The following PXDNL variants were observed in gnomAD, a reference collection of about 807,000 sequenced individuals.
PXDNL encodes peroxidasin like.
A neutral mutation model predicts 150.8 loss-of-function variants in PXDNL; 145 were observed. The observed-to-expected ratio is 0.96, with a 90% CI of 0.84 to 1.10. PXDNL has a LOEUF of 1.10. Ranked by LOEUF, PXDNL falls within the 50% of genes least tolerant of loss-of-function variation. The pLI is 0.00. For missense variants in PXDNL, 2,087 were observed against 1,873.9 expected (o/e 1.11, Z -2.10); for synonymous variants, 757 against 725.7 (o/e 1.04, Z -0.69).
intron 3 of PXDNL, among the ~76,000 whole-genome samples, chr8:51,573,789 T>C (rs1326601826): frequency 6.6e-6 from 1 of 152,036 alleles, no homozygotes; most frequent in African/African-American, 2.4e-5. Context: ...TTACCCCCAG[T>C]ACCTCAGAAT....
chr8:51,655,900 C>T (rs1034246407), intron 1 of PXDNL, among the ~76,000 whole-genome samples: 5 of 152,164 alleles, frequency 3.3e-5, no homozygotes, highest in Admixed American at 6.5e-5. Flanking sequence ...AGAAACAAAG[C>T]CCTGGACCCA....
intron 2 of PXDNL, among the ~76,000 whole-genome samples, chr8:51,600,069 C>T (rs893197263): frequency 7.8e-6 from 1 of 127,514 alleles, no homozygotes; most frequent in Admixed American, 8.1e-5. Flanking sequence ...ATAAATTATA[C>T]CTTATATAAA....
rs369836009 is a variant in PXDNL at position 51,388,152 on chromosome 8, A to G, written c.3558-13421T>C. On this transcript the variant is annotated intron_variant, in intron 17 of 22. Transcript: ENST00000356297. The stretch of plus-strand genomic sequence containing the variant: ...TCTAGCTAGAACTCAGAAACTATTA[A>G]AAGTAATTTTTCAATGATTTCAAAT... Among the ~76,000 whole-genome samples the G allele has an allele frequency of 7.2e-5, 11 of 152,286 alleles. No individual in the cohort carries two copies. In the East Asian group the frequency reaches 1.5e-3, roughly 21 times the overall value.
At chr8:51,369,245 C>T (rs1412178040) in intron 19 of PXDNL, among the ~76,000 whole-genome samples, 1 of 152,166 alleles carries the variant, frequency 6.6e-6, no homozygotes, top group Non-Finnish European at 1.5e-5. Context: ...CACTTCTCAA[C>T]TGCCTTACTT....
rs572733887 is a variant in PXDNL, at chr8:51,367,767, G to C, written c.3901+4106C>G. 6.6e-5 allele frequency among the ~76,000 whole-genome samples: 10 copies of C among 152,260 alleles called. 1 individual carries two copies. Among genetic ancestry groups the C allele is most frequent in the Non-Finnish European group, 1.2e-4 (8 of 68,012 alleles). On this transcript the variant is annotated intron_variant, in intron 19 of 22. Transcript: ENST00000356297. ...CAATGGATTTAGTTAAGGGCAAAAA[G>C]AAAAACAAAAACACCATGTTGTTTT...
chr8:51,536,438 A>C (rs1016503975), intron 4 of PXDNL, among the ~76,000 whole-genome samples: 3 of 152,220 alleles, frequency 2.0e-5, no homozygotes, highest in Non-Finnish European at 2.9e-5. Flanking sequence ...TTGGCTCAAG[A>C]ATGGGCTTTC....
intron 3 of PXDNL, among the ~76,000 whole-genome samples, chr8:51,558,874 G>T (rs576397174): frequency 1.3e-5 from 2 of 152,192 alleles, no homozygotes; most frequent in South Asian, 4.1e-4. Context: ...AGATAGCAGA[G>T]TTTGCAGCAG....
chr8:51,697,434 G>A (rs1220254127), intron 1 of PXDNL, among the ~76,000 whole-genome samples: 1 of 152,088 alleles, frequency 6.6e-6, no homozygotes, highest in Non-Finnish European at 1.5e-5. Flanking sequence ...CATATATAGT[G>A]TGACAGGTCC....
At chr8:51,498,290 G>C (rs1811104717) in intron 5 of PXDNL, among the ~76,000 whole-genome samples, 2 of 132,710 alleles carry the variant, frequency 1.5e-5, no homozygotes, top group African/African-American at 5.6e-5. Context: ...GTGGGGTCGG[G>C]GGAGGGGGGA....
chr8:51,384,894 T>C (rs1307376270), intron 17 of PXDNL, among the ~76,000 whole-genome samples: 1 of 152,140 alleles, frequency 6.6e-6, no homozygotes, highest in African/African-American at 2.4e-5. Context: ...CTATACTTTG[T>C]TTTTTGATTA....
chr8:51,744,697 G>A (rs1408657700), intron 1 of PXDNL, among the ~76,000 whole-genome samples: 40 of 53,466 alleles, frequency 7.5e-4, no homozygotes, highest in South Asian at 2.6e-3. Context: ...AAAAAAAAAA[G>A]GAAGGAAAGA....
At chr8:51,614,929 T>C (rs1464009587) in intron 2 of PXDNL, among the ~76,000 whole-genome samples, 1 of 152,208 alleles carries the variant, frequency 6.6e-6, no homozygotes, top group African/African-American at 2.4e-5. Context: ...TAAAAAACTA[T>C]CTCATTTTCA....
intron 4 of PXDNL, among the ~76,000 whole-genome samples, chr8:51,546,082 A>C (rs1484208098): frequency 6.6e-6 from 1 of 152,146 alleles, no homozygotes; most frequent in Admixed American, 6.5e-5. Context: ...TTCAATAACC[A>C]CTATAGGAAC....
chr8:51,710,793 T>C (rs1015960632), intron 1 of PXDNL, among the ~76,000 whole-genome samples: 5 of 152,166 alleles, frequency 3.3e-5, no homozygotes, highest in Non-Finnish European at 7.3e-5. Context: ...TACCAATAGA[T>C]ACAGAAAAAG....
chr8:51,620,383 T>C (rs1189689435), intron 2 of PXDNL, among the ~76,000 whole-genome samples: 2 of 152,308 alleles, frequency 1.3e-5, no homozygotes, highest in East Asian at 3.9e-4. Flanking sequence ...CACAACACTG[T>C]AGTTTATTCC....
At chr8:51,654,046 C>T (rs188099587) in intron 2 of PXDNL, among the ~76,000 whole-genome samples, 9 of 152,272 alleles carry the variant, frequency 5.9e-5, no homozygotes, top group Non-Finnish European at 1.2e-4. Context: ...CCCACAATGT[C>T]AGACCATCAG....
intron 1 of PXDNL, among the ~76,000 whole-genome samples, chr8:51,735,456 G>GC (rs1326053918): frequency 6.6e-6 from 1 of 151,130 alleles, no homozygotes; most frequent in African/African-American, 2.4e-5. Flanking sequence ...CTGCACCCCA[G>GC]CCTGGGCAAG....
chr8:51,408,602 C>CCG lies in PXDNL; in HGVS notation c.3020_3021dup (p.Glu1008ArgfsTer24). The CCG allele has an allele frequency of 6.2e-7, 1 of 1,611,550 alleles. No individual in the cohort carries two copies. The highest frequency in any genetic ancestry group is 8.5e-7 in the Non-Finnish European group (1 of 1,178,958). Reference sequence around the variant, plus strand: ...TGGCTGTAGGTGATGTGCTGCAGCTCCGCGCCCACGATCTTCCTGGCTTCC... The same window carrying CCG: ...TGGCTGTAGGTGATGTGCTGCAGCTCCGCGCGCCCACGATCTTCCTGGCTTCC... On this transcript the variant is annotated frameshift_variant, in exon 17 of 23. Coordinates refer to ENST00000356297, the MANE Select transcript of PXDNL (RefSeq NM_144651.5). LOFTEE classifies it high-confidence loss of function.
At chr8:51,533,065 T>C (rs1159302923) in intron 4 of PXDNL, among the ~76,000 whole-genome samples, 1 of 152,210 alleles carries the variant, frequency 6.6e-6, no homozygotes, top group African/African-American at 2.4e-5. Flanking sequence ...AGCAGAAACA[T>C]GGCCCCATAC....
Sources: gnomAD v4.1 joint callset for allele counts (sites outside exome capture counted in the v4.1 genomes callset) on GRCh38, gnomAD v4.1.1 for gene constraint, MANE v1.5 for transcripts, NCBI Gene and HGNC (gene_info 2026-07-23, HGNC 2026-07-21) for gene names.